Variants in FBRSL1 observed in about 807,000 individuals in gnomAD.
FBRSL1 encodes fibrosin-1-like protein.
In FBRSL1, 51 loss-of-function variants were observed where a neutral mutation model predicts 89.6. That is an observed-to-expected ratio of 0.57 (90% CI 0.45 to 0.72). FBRSL1 has a LOEUF of 0.72. Ranked by LOEUF, FBRSL1 falls within the 30% of genes least tolerant of loss-of-function variation. The pLI, the probability that FBRSL1 is intolerant of heterozygous loss-of-function variation, is 0.00. For synonymous variants in FBRSL1, 779 were observed against 681.1 expected, an observed-to-expected ratio of 1.14 and a Z score of -2.24; for missense variants, 1,618 against 1,451.8, an observed-to-expected ratio of 1.11 and a Z score of -1.86.
chr12:132,510,756 G>C (rs1186501592), intron 2 of FBRSL1: 2 of 1,186,396 alleles, frequency 1.7e-6, no homozygotes, highest in African/African-American at 3.2e-5. Context: ...GCCCCCACCC[G>C]CGTTGCTGCC....
At chr12:132,544,111 C>T (rs1046572826) in intron 4 of FBRSL1, among the ~76,000 whole-genome samples, 7 of 152,182 alleles carry the variant, frequency 4.6e-5, no homozygotes, top group Admixed American at 2.6e-4. Flanking sequence ...CGGAATCACC[C>T]GGCTGCTACT....
intron 1 of FBRSL1, among the ~76,000 whole-genome samples, chr12:132,496,667 G>A (rs1280737445): frequency 1.3e-5 from 2 of 152,236 alleles, no homozygotes; most frequent in South Asian, 2.1e-4. Flanking sequence ...TGTCCAGAGC[G>A]TGAGGATTGG....
intron 1 of FBRSL1, among the ~76,000 whole-genome samples, chr12:132,502,139 C>T (rs1395718134): frequency 6.6e-6 from 1 of 152,230 alleles, no homozygotes; most frequent in Non-Finnish European, 1.5e-5. Flanking sequence ...TCCTCATGCC[C>T]CAACCTGCGG....
At chr12:132,545,186 G>A (rs570251073) in intron 4 of FBRSL1, among the ~76,000 whole-genome samples, 1 of 152,236 alleles carries the variant, frequency 6.6e-6, no homozygotes, top group Admixed American at 6.5e-5. Flanking sequence ...ATGTCCCTTC[G>A]GGGCCTGGGG....
At position 132,575,288 on chromosome 12, in the gene FBRSL1, C is replaced by T. The variant is rs887070868; in HGVS notation, c.1701+724C>T. ...TGTCGCCCAGGCTGGAGTGCAGTGG[C>T]GCGATCTCGGCTCACTGCAAGCTCC... On this transcript the variant is annotated intron_variant, in intron 14 of 18. Transcript: ENST00000680143. Among the ~76,000 whole-genome samples, 22 of 152,280 alleles carry T rather than the reference C, an allele frequency of 1.4e-4. 1 individual carries two copies. The highest frequency in any genetic ancestry group is 3.9e-4 in the East Asian group (2 of 5,158).
intron 2 of FBRSL1, among the ~76,000 whole-genome samples, chr12:132,522,826 G>A (rs886747532): frequency 2.6e-5 from 4 of 152,202 alleles, no homozygotes; most frequent in African/African-American, 9.7e-5. Flanking sequence ...AGCTGTGTCC[G>A]GGGCCCTCCC....
intron 4 of FBRSL1, among the ~76,000 whole-genome samples, chr12:132,529,852 C>G (rs971103682): frequency 1.3e-5 from 2 of 152,242 alleles, no homozygotes; most frequent in African/African-American, 4.8e-5. Context: ...GGCTGGAGCT[C>G]ACTTCTGGGC....
Position 132,582,189 on chromosome 12 carries a change from G to A in FBRSL1, c.2124G>A (p.Lys708=). 1 of 1,550,158 alleles carries A rather than the reference G, an allele frequency of 6.5e-7. No individual in the cohort carries two copies. Among genetic ancestry groups the A allele is most frequent in the Non-Finnish European group, 8.7e-7 (1 of 1,146,868 alleles). ...TCCCGGCTCCGCCCCCGTGGCCCAA[G>A]TCCGTGGACGCGGAGCGGGTGTCAG... ...PSFPAPPPWP[K]SVDAERVSAL... is the part of the protein sequence containing the mutation. The change falls in exon 18 of 19, where the codon AAG becomes AAA. Residue 708 remains lysine, a synonymous_variant. Coordinates refer to ENST00000680143, the MANE Select transcript of FBRSL1 (RefSeq NM_001367871.1).
At chr12:132,543,813 A>G (rs1265487839) in intron 4 of FBRSL1, among the ~76,000 whole-genome samples, 1 of 152,160 alleles carries the variant, frequency 6.6e-6, no homozygotes, top group African/African-American at 2.4e-5. Context: ...GGAGGACGAA[A>G]CCGGTGCCTG....
chr12:132,548,009 A>G lies in FBRSL1; in HGVS notation c.622A>G (p.Ser208Gly). Residue 208 changes from serine to glycine, a missense_variant, in exon 5 of 19, where the codon AGC becomes GGC. Ser to Gly is a moderately conservative substitution (Grantham distance 56). Coordinates refer to ENST00000680143, the MANE Select transcript of FBRSL1 (RefSeq NM_001367871.1). The part of the protein sequence containing the change: ...AVSGRGYSCD[S>G]ESGPDDKASV... ...TGTCTCTCTGTCCCTGCAGTGTGAC[A>G]GCGAGAGCGGCCCGGACGACAAGGT... is the stretch of plus-strand genomic sequence containing the variant. 6.5e-7 allele frequency: 1 copy of G among 1,550,130 alleles called. No homozygotes were observed. Among genetic ancestry groups the G allele is most frequent in the African/African-American group, 1.4e-5 (1 of 73,162 alleles).
At chr12:132,530,796 C>T (rs557979619) in intron 4 of FBRSL1, among the ~76,000 whole-genome samples, 50 of 151,676 alleles carry the variant, frequency 3.3e-4, no homozygotes, top group African/African-American at 1.1e-3. Context: ...CCCCTCCAAG[C>T]CGCAGGAGCC....
intron 2 of FBRSL1, among the ~76,000 whole-genome samples, chr12:132,513,993 G>T (rs2034604458): frequency 6.6e-6 from 1 of 152,180 alleles, no homozygotes; most frequent in African/African-American, 2.4e-5. Flanking sequence ...ACCCCTCACT[G>T]CAGGTGAATA....
At chr12:132,510,297 C>T (rs897132571) in intron 2 of FBRSL1, 9 of 1,230,218 alleles carry the variant, frequency 7.3e-6, no homozygotes, top group South Asian at 8.2e-5. Context: ...CCAGCCGCGG[C>T]GGTCCCTATT....
intron 11 of FBRSL1, 100 bp downstream of exon 11, chr12:132,572,722 C>T (rs1396771282): frequency 3.7e-6 from 3 of 817,074 alleles, no homozygotes; most frequent in South Asian, 3.1e-5. Flanking sequence ...CAACCACCCC[C>T]CTTTCCCTCC....
At chr12:132,496,491 C>T (rs543200718) in intron 1 of FBRSL1, among the ~76,000 whole-genome samples, 3 of 152,306 alleles carry the variant, frequency 2.0e-5, no homozygotes, top group East Asian at 3.9e-4. Context: ...CTGGTTGTTG[C>T]TGTTTGTCTT....
chr12:132,493,276 C>A (rs545146524), intron 1 of FBRSL1, among the ~76,000 whole-genome samples: 2 of 152,270 alleles, frequency 1.3e-5, no homozygotes, highest in Non-Finnish European at 2.9e-5. Flanking sequence ...CCTCTGCCCC[C>A]ACCCGCGTCT....
chr12:132,574,594 T>G, intron 14 of FBRSL1, 30 bp downstream of exon 14: 1 of 1,542,916 alleles, frequency 6.5e-7, no homozygotes, highest in Non-Finnish European at 8.7e-7. Flanking sequence ...GGCAGGGCGC[T>G]TGTGAACCCG....
At position 132,583,612 on chromosome 12, in the gene FBRSL1, C is replaced by G; in HGVS notation, c.2843C>G (p.Pro948Arg). The G allele has an allele frequency of 1.0e-6, 1 of 988,588 alleles. No individual in the cohort carries two copies. Among genetic ancestry groups the G allele is most frequent in the Non-Finnish European group, 1.2e-6 (1 of 832,708 alleles). The allele number at this position is 988,588 out of a possible 1,614,324, so 61.2% of individuals were successfully genotyped here. Residue 948 changes from proline to arginine, a missense_variant, in exon 19 of 19, where the codon CCC becomes CGC. Transcript: ENST00000680143. ...LHNGLLARTP[P>R]AAAALGAPPP... Reference sequence around the variant, plus strand: ...AATGGGCTCCTGGCGCGGACCCCGCCCGCCGCCGCCGCCCTCGGCGCACCG... The same window carrying G: ...AATGGGCTCCTGGCGCGGACCCCGCGCGCCGCCGCCGCCCTCGGCGCACCG...
chr12:132,581,008 A>AC, intron 15 of FBRSL1: 1 of 985,442 alleles, frequency 1.0e-6, no homozygotes, highest in African/African-American at 1.7e-5. Context: ...CCAAGACAGA[A>AC]CCGTGTCCAT....
Sources: gnomAD v4.1 joint callset for allele counts (sites outside exome capture counted in the v4.1 genomes callset) on GRCh38, gnomAD v4.1.1 for gene constraint, MANE v1.5 for transcripts, NCBI Gene and HGNC (gene_info 2026-07-23, HGNC 2026-07-21) for gene names.